Variants in MAGI2 observed in about 807,000 individuals in gnomAD.
MAGI2 encodes membrane-associated guanylate kinase, WW and PDZ domain-containing protein 2.
Under a neutral mutation model 133.3 loss-of-function variants are expected in MAGI2, and 35 were observed. The observed-to-expected ratio is 0.26, with a 90% CI of 0.20 to 0.35. MAGI2 has a LOEUF of 0.35. MAGI2 is among the 10% of genes least tolerant of loss of function. MAGI2 has a pLI of 1.00. For synonymous variants in MAGI2, 729 were observed against 710.6 expected, an observed-to-expected ratio of 1.03 and a Z score of -0.41; for missense variants, 1,636 against 1,863.4, an observed-to-expected ratio of 0.88 and a Z score of 2.25.
chr7:79,077,235 C>G (rs1164732604), intron 1 of MAGI2, among the ~76,000 whole-genome samples: 1 of 152,116 alleles, frequency 6.6e-6, no homozygotes, highest in African/African-American at 2.4e-5. Context: ...GAACAAATCC[C>G]AAGCTAGCTT....
chr7:79,430,560 A>C (rs28715946), intron 1 of MAGI2, among the ~76,000 whole-genome samples: 18,642 of 152,214 alleles, frequency 0.12, 1,361 homozygotes, highest in African/African-American at 0.21. Context: ...TGCCAGTTCC[A>C]CAACCTCCAC....
At chr7:78,747,656 G>A (rs116159931) in intron 2 of MAGI2, among the ~76,000 whole-genome samples, 133 of 152,264 alleles carry the variant, frequency 8.7e-4, no homozygotes, top group African/African-American at 2.9e-3. Flanking sequence ...CTCAACTAAC[G>A]CAGAATCTCT....
intron 1 of MAGI2, among the ~76,000 whole-genome samples, chr7:79,267,558 T>C (rs982796614): frequency 6.6e-6 from 1 of 152,182 alleles, no homozygotes; most frequent in African/African-American, 2.4e-5. Context: ...ATGTTGCCAA[T>C]AGTTTACAAT....
At chr7:78,259,025 C>A (rs990512375) in intron 9 of MAGI2, among the ~76,000 whole-genome samples, 1 of 152,164 alleles carries the variant, frequency 6.6e-6, no homozygotes, top group African/African-American at 2.4e-5. Context: ...TGCTTTACAT[C>A]TGACACAGTA....
At chr7:78,040,740 G>C (rs932984963) in intron 21 of MAGI2, among the ~76,000 whole-genome samples, 3 of 152,252 alleles carry the variant, frequency 2.0e-5, no homozygotes, top group African/African-American at 7.2e-5. Flanking sequence ...CTAAACCCTC[G>C]TGAAGTCTGC....
chr7:78,565,026 C>T (rs906238174), intron 3 of MAGI2, among the ~76,000 whole-genome samples: 28 of 151,992 alleles, frequency 1.8e-4, no homozygotes, highest in African/African-American at 6.8e-4. Context: ...ATCTCCTGAC[C>T]TTGTGATCCG....
At chr7:78,556,152 G>C (rs1472403817) in intron 3 of MAGI2, among the ~76,000 whole-genome samples, 1 of 152,122 alleles carries the variant, frequency 6.6e-6, no homozygotes, top group Non-Finnish European at 1.5e-5. Flanking sequence ...CTCACAGGAA[G>C]CCAGAGTAAG....
chr7:79,035,836 C>A (rs577211144), intron 1 of MAGI2, among the ~76,000 whole-genome samples: 2 of 152,092 alleles, frequency 1.3e-5, no homozygotes, highest in South Asian at 4.1e-4. Context: ...TATAGAAACC[C>A]AATTCACAAT....
At chr7:78,562,997 GT>G (rs397758695) in intron 3 of MAGI2, among the ~76,000 whole-genome samples, 65 of 138,248 alleles carry the variant, frequency 4.7e-4, no homozygotes, top group East Asian at 8.6e-4. Flanking sequence ...CTTTTTTGTT[GT>G]TTTTTTTTTT....
At chr7:78,869,148 C>A (rs1794828850) in intron 2 of MAGI2, among the ~76,000 whole-genome samples, 1 of 152,166 alleles carries the variant, frequency 6.6e-6, no homozygotes, top group African/African-American at 2.4e-5. Flanking sequence ...AGTCCTTTGT[C>A]AGGTGCATAG....
chr7:79,067,611 G>C (rs1814492080), intron 1 of MAGI2, among the ~76,000 whole-genome samples: 1 of 152,162 alleles, frequency 6.6e-6, no homozygotes, highest in Non-Finnish European at 1.5e-5. Context: ...TCTCTTGCCT[G>C]ATCATCCTGG....
At position 78,659,752 on chromosome 7, in the gene MAGI2, G is replaced by T. The variant is rs182480771; in HGVS notation, c.419-32513C>A. Reference sequence around the variant, plus strand: ...AGGTCAATATCTTGGTTGTGATATTGTACTATTGTTTTGCAAGATGTTATC... The same window carrying T: ...AGGTCAATATCTTGGTTGTGATATTTTACTATTGTTTTGCAAGATGTTATC... On this transcript the variant is annotated intron_variant, in intron 2 of 21. Transcript: ENST00000354212. 1.1e-4 allele frequency among the ~76,000 whole-genome samples: 17 copies of T among 152,186 alleles called. No homozygotes were observed. In the East Asian group the frequency reaches 3.1e-3, roughly 28 times the overall value.
chr7:78,590,197 T>C (rs955260651), intron 3 of MAGI2, among the ~76,000 whole-genome samples: 3 of 152,228 alleles, frequency 2.0e-5, no homozygotes, highest in Non-Finnish European at 4.4e-5. Context: ...GTATTTAGCA[T>C]AGCAATTTGA....
intron 6 of MAGI2, among the ~76,000 whole-genome samples, chr7:78,458,472 G>A (rs1209300574): frequency 2.0e-5 from 3 of 151,878 alleles, no homozygotes; most frequent in Non-Finnish European, 4.4e-5. Context: ...TTATGTATTT[G>A]TTTTGATGTA....
chr7:78,814,070 G>T (rs1000512589), intron 2 of MAGI2, among the ~76,000 whole-genome samples: 37 of 152,048 alleles, frequency 2.4e-4, no homozygotes, highest in African/African-American at 8.7e-4. Context: ...GGATGTTATT[G>T]TCTTTATAAA....
At chr7:78,109,948 A>C (rs143861145) in intron 20 of MAGI2, among the ~76,000 whole-genome samples, 33 of 152,278 alleles carry the variant, frequency 2.2e-4, no homozygotes, top group African/African-American at 7.9e-4. Flanking sequence ...AGAAAGACAC[A>C]GACTGAAGCA....
chr7:78,460,966 TCA>T (rs1789919575), intron 6 of MAGI2, among the ~76,000 whole-genome samples: 1 of 149,870 alleles, frequency 6.7e-6, no homozygotes, highest in Non-Finnish European at 1.5e-5. Context: ...ACACACACTC[TCA>T]CACACACACC....
chr7:79,409,314 G>C (rs1045832337), intron 1 of MAGI2, among the ~76,000 whole-genome samples: 2 of 151,562 alleles, frequency 1.3e-5, no homozygotes, highest in Non-Finnish European at 1.5e-5. Flanking sequence ...TTTTTAAGAT[G>C]GTGTCTCACA....
intron 3 of MAGI2, among the ~76,000 whole-genome samples, chr7:78,606,744 A>C (rs1456910091): frequency 6.6e-6 from 1 of 152,206 alleles, no homozygotes; most frequent in African/African-American, 2.4e-5. Flanking sequence ...TAAAGTTTTA[A>C]AATATATTTA....
Sources: gnomAD v4.1 joint callset for allele counts (sites outside exome capture counted in the v4.1 genomes callset) on GRCh38, gnomAD v4.1.1 for gene constraint, MANE v1.5 for transcripts, NCBI Gene and HGNC (gene_info 2026-07-23, HGNC 2026-07-21) for gene names.